APOBEC3G: variants seen among roughly 807,000 people sequenced by gnomAD.
APOBEC3G encodes the protein apolipoprotein B mRNA editing enzyme catalytic subunit 3G.
In APOBEC3G, 44 loss-of-function variants were observed where a neutral mutation model predicts 50.0. That is an observed-to-expected ratio of 0.88 (90% CI 0.69 to 1.13). The LOEUF (loss-of-function observed/expected upper bound fraction) is 1.13. Ranked by LOEUF, APOBEC3G falls within the 50% of genes most tolerant of loss-of-function variation. The pLI is 0.00. For missense variants in APOBEC3G, 469 were observed against 492.0 expected, an observed-to-expected ratio of 0.95 and a Z score of 0.44; for synonymous variants, 156 against 175.3, an observed-to-expected ratio of 0.89 and a Z score of 0.87.
chr22:39,081,765 C>T (rs538572989), intron 4 of APOBEC3G, 180 bp downstream of exon 4: 87 of 562,058 alleles, frequency 1.5e-4, no homozygotes, highest in African/African-American at 1.5e-3. Context: ...CTCCCTCCAC[C>T]TCCCTGCCTC....
chr22:39,077,595 C>T (rs867765896), intron 1 of APOBEC3G, among the ~76,000 whole-genome samples: 3 of 152,252 alleles, frequency 2.0e-5, no homozygotes, highest in Middle Eastern at 6.8e-3. Flanking sequence ...CCATCTGTCC[C>T]AGCCCAGGTC....
Position 39,086,510 on chromosome 22 carries a change from G to A in APOBEC3G, c.967G>A (p.Glu323Lys), listed in dbSNP as rs145107817. The change falls in exon 6 of 8, where the codon GAG becomes AAG. Residue 323 changes from glutamate (E) to lysine (K), a missense_variant. Glu to Lys is a moderately conservative substitution (Grantham distance 56). Coordinates refer to ENST00000407997, the MANE Select transcript of APOBEC3G (RefSeq NM_021822.4). ...CTATGATGATCAAGGAAGATGTCAG[G>A]AGGGGCTGCGCACCCTGGCCGAGGC... is the stretch of plus-strand genomic sequence containing the variant. ...RIYDDQGRCQ[E>K]GLRTLAEAGA... 3 of 1,613,796 alleles carry A rather than the reference G, an allele frequency of 1.9e-6. No homozygotes were observed. The African/African-American group carries it at 4.0e-5, about 22-fold the overall frequency.
rs1928585942 is a variant in APOBEC3G, at chr22:39,083,892, A to G, written c.735+8A>G. Reference sequence around the variant, plus strand: ...GGCTTTCTATGCAACCAGGTGACCAACCCAGCCACCCGCATCCAGGCAGGG... The same window carrying G: ...GGCTTTCTATGCAACCAGGTGACCAGCCCAGCCACCCGCATCCAGGCAGGG... On this transcript the variant is annotated splice_region_variant and intron_variant, in intron 5 of 7. Coordinates refer to ENST00000407997, the MANE Select transcript of APOBEC3G (RefSeq NM_021822.4). The G allele has an allele frequency of 6.2e-7, 1 of 1,611,162 alleles. No homozygotes were observed. The highest frequency in any genetic ancestry group is 1.3e-5 in the African/African-American group (1 of 74,850).
intron 7 of APOBEC3G, 35 bp from the exon 8 acceptor site, chr22:39,087,372 A>G: frequency 2.5e-6 from 4 of 1,613,942 alleles, no homozygotes; most frequent in Non-Finnish European, 3.4e-6. Flanking sequence ...CCACTCGCTC[A>G]CCCTTTGCTC....
chr22:39,086,194 C>A, intron 5 of APOBEC3G, 85 bp from the exon 6 acceptor site: 1 of 1,451,672 alleles, frequency 6.9e-7, no homozygotes, highest in Non-Finnish European at 9.3e-7. Context: ...ATCCTAGCTA[C>A]TTGTACACTC....
chr22:39,083,614 G>A, intron 4 of APOBEC3G, 117 bp from the exon 5 acceptor site: 2 of 1,248,040 alleles, frequency 1.6e-6, no homozygotes, highest in Admixed American at 4.0e-5. Context: ...TAAGGGATGT[G>A]GGGAGCCGGG....
chr22:39,086,558 A>G lies in APOBEC3G; in HGVS notation c.1015A>G (p.Thr339Ala), dbSNP rs778841760. ...AEAGAKISIM[T>A]YSEFKHCWDT... ...GGCTGGGGCCAAAATTTCAATAATG[A>G]CATACAGTGGTGAGAATGGAAGCCT... Residue 339 changes from threonine to alanine, a missense_variant, in exon 6 of 8, where the codon ACA (threonine) becomes GCA (alanine). Physicochemically the swap from Thr to Ala is moderately conservative, Grantham distance 58. Coordinates refer to ENST00000407997, the MANE Select transcript of APOBEC3G (RefSeq NM_021822.4). 1.2e-6 allele frequency: 2 copies of G among 1,604,228 alleles called. No homozygotes were observed. Among genetic ancestry groups the G allele is most frequent in the Non-Finnish European group, 1.7e-6 (2 of 1,174,076 alleles).
intron 1 of APOBEC3G, among the ~76,000 whole-genome samples, chr22:39,078,255 G>C (rs1289448405): frequency 2.0e-5 from 3 of 151,190 alleles, no homozygotes; most frequent in Non-Finnish European, 4.4e-5. Flanking sequence ...GCAAAACTTC[G>C]TCTTGAAAGA....
Position 39,081,063 on chromosome 22 carries a change from C to G in APOBEC3G, c.302C>G (p.Thr101Arg), listed in dbSNP as rs755127255. 1.2e-6 allele frequency: 2 copies of G among 1,614,202 alleles called. No individual in the cohort carries two copies. The highest frequency in any genetic ancestry group is 2.7e-5 in the African/African-American group (2 of 75,040). Residue 101 changes from threonine (T) to arginine (R), a missense_variant, in exon 3 of 8, where the codon ACA becomes AGA. Thr to Arg is a moderately conservative substitution (Grantham distance 71, BLOSUM62 -1). Transcript: ENST00000407997. ...YISWSPCTKC[T>R]RDMATFLAED... ...TCCTGGAGCCCCTGCACAAAGTGTA[C>G]AAGGGATATGGCCACGTTCCTGGCC... is the stretch of plus-strand genomic sequence containing the variant.
intron 5 of APOBEC3G, among the ~76,000 whole-genome samples, chr22:39,084,848 A>ACGTT (rs1469647964): frequency 6.6e-6 from 1 of 152,260 alleles, no homozygotes; most frequent in East Asian, 1.9e-4. Context: ...AGCCCGAGGG[A>ACGTT]CGTTCTTCCC....
chr22:39,079,185 G>T (rs1928316408), intron 2 of APOBEC3G, 100 bp downstream of exon 2: 5 of 1,435,838 alleles, frequency 3.5e-6, no homozygotes, highest in Non-Finnish European at 4.6e-6. Flanking sequence ...GGGCTATCCA[G>T]TGTGTCCTTC....
At chr22:39,079,381 G>T in intron 2 of APOBEC3G, 1 of 289,346 alleles carries the variant, frequency 3.5e-6, no homozygotes, top group Non-Finnish European at 6.5e-6. Flanking sequence ...GCAATGACGC[G>T]ATCTCGGCTC....
At chr22:39,084,662 T>C (rs1452488055) in intron 5 of APOBEC3G, among the ~76,000 whole-genome samples, 3 of 152,170 alleles carry the variant, frequency 2.0e-5, no homozygotes, top group African/African-American at 7.2e-5. Context: ...GATTCCCCAG[T>C]GCCTGCTCCT....
rs1012285179 is a variant in APOBEC3G, at chr22:39,085,381, G to C, written c.736-898G>C. The stretch of plus-strand genomic sequence containing the variant: ...AAGGGGTGGGGCAAGGGGAATTGAC[G>C]GGTAGACAGGTCAGCCTCCCCATGA... On this transcript the variant is annotated intron_variant, in intron 5 of 7. Coordinates refer to ENST00000407997, the MANE Select transcript of APOBEC3G (RefSeq NM_021822.4). Among the ~76,000 whole-genome samples, 9 of 152,206 alleles carry C rather than the reference G, an allele frequency of 5.9e-5. No individual in the cohort carries two copies. The South Asian group carries it at 1.9e-3, about 32-fold the overall frequency.
Position 39,083,726 on chromosome 22 carries a change from T to C in APOBEC3G, c.582-5T>C, listed in dbSNP as rs892740165. On this transcript the variant is annotated splice_region_variant and splice_polypyrimidine_tract_variant and intron_variant, in intron 4 of 7. Coordinates refer to ENST00000407997, the MANE Select transcript of APOBEC3G (RefSeq NM_021822.4). ...ACTCCTCTGGGCTTTTCCCCCACTT[T>C]CCAGACACTCGATGGATCCACCCAC... is the stretch of plus-strand genomic sequence containing the variant. 3 of 1,613,602 alleles carry C rather than the reference T, an allele frequency of 1.9e-6. No individual in the cohort carries two copies. The highest frequency in any genetic ancestry group is 2.5e-6 in the Non-Finnish European group (3 of 1,179,692).
Position 39,087,041 on chromosome 22 carries a change from ACCACCAGGGATGTC to A in APOBEC3G, c.1058_1071del (p.His353LeufsTer9), listed in dbSNP as rs1202040087. ...AAGCACTGCTGGGACACCTTTGTGG[ACCACCAGGGATGTC>A]CCTTCCAGCCCTGGGATGGACTAGA... On this transcript the variant is annotated frameshift_variant, in exon 7 of 8. Transcript: ENST00000407997. LOFTEE classifies it high-confidence loss of function. The A allele has an allele frequency of 1.2e-6, 2 of 1,612,126 alleles. No homozygotes were observed. Among genetic ancestry groups the A allele is most frequent in the African/African-American group, 2.7e-5 (2 of 74,824 alleles).
intron 2 of APOBEC3G, chr22:39,080,608 G>GC (rs55653621): frequency 8.8e-5 from 29 of 328,910 alleles, no homozygotes; most frequent in East Asian, 1.8e-4. Context: ...CTGACATACT[G>GC]CCCCCCCAGC....
chr22:39,081,785 T>G, intron 4 of APOBEC3G, 200 bp downstream of exon 4: 1 of 537,756 alleles, frequency 1.9e-6, no homozygotes, highest in Non-Finnish European at 3.3e-6. Flanking sequence ...CCCACCTGCT[T>G]TCCTGGGCCC....
intron 6 of APOBEC3G, 145 bp from the exon 7 acceptor site, chr22:39,086,866 T>C: frequency 9.5e-7 from 1 of 1,054,902 alleles, no homozygotes. Context: ...AAGTGCCTGA[T>C]GAAGGAGCTA....
Sources: gnomAD v4.1 joint callset for allele counts (sites outside exome capture counted in the v4.1 genomes callset) on GRCh38, gnomAD v4.1.1 for gene constraint, MANE v1.5 for transcripts, NCBI Gene and HGNC (gene_info 2026-07-23, HGNC 2026-07-21) for gene names.